YWHAQ: variants seen among roughly 807,000 people sequenced by gnomAD.
YWHAQ encodes the protein 14-3-3 protein theta.
Under a neutral mutation model 28.3 loss-of-function variants are expected in YWHAQ, and 6 were observed. The ratio of observed to expected loss-of-function variants is 0.21; its 90% CI spans 0.12 to 0.42. The LOEUF is 0.42. Among genes scored for constraint, YWHAQ ranks in the 10% least tolerant of loss-of-function variants. The pLI, the probability that YWHAQ is intolerant of heterozygous loss-of-function variation, is 1.00. For synonymous variants in YWHAQ, 143 were observed against 119.1 expected (o/e 1.20, Z -1.31); for missense variants, 201 against 305.6 (o/e 0.66, Z 2.55).
chr2:9,593,099 T>C (rs770762101), intron 2 of YWHAQ, among the ~76,000 whole-genome samples: 5 of 152,192 alleles, frequency 3.3e-5, no homozygotes, highest in Admixed American at 2.6e-4. Context: ...ACAAGTAAGG[T>C]TGAGTCAAAT....
chr2:9,622,377 G>A (rs1427701734), intron 2 of YWHAQ, among the ~76,000 whole-genome samples: 1 of 152,016 alleles, frequency 6.6e-6, no homozygotes, highest in Non-Finnish European at 1.5e-5. Context: ...GCATGTTTTT[G>A]AAATTCAATC....
intron 2 of YWHAQ, among the ~76,000 whole-genome samples, chr2:9,613,357 G>A (rs1309637317): frequency 6.6e-6 from 1 of 152,190 alleles, no homozygotes; most frequent in African/African-American, 2.4e-5. Context: ...CCAAATTAAT[G>A]TCATGAATTA....
intron 2 of YWHAQ, among the ~76,000 whole-genome samples, chr2:9,609,521 C>T (rs563584511): frequency 4.1e-4 from 63 of 151,820 alleles, no homozygotes; most frequent in Non-Finnish European, 5.0e-4. Flanking sequence ...GGATAATGGC[C>T]GAGACTTCCA....
At position 9,605,706 on chromosome 2, in the gene YWHAQ, G is replaced by A. The variant is rs553535265; in HGVS notation, c.295-14191C>T. ...CTCCCCAGTAGCTGGGACTACAGGT[G>A]TGCACCACCATGACCGGCTAATTTT... is the stretch of plus-strand genomic sequence containing the variant. On this transcript the variant is annotated intron_variant, in intron 2 of 5. Transcript: ENST00000238081. Among the ~76,000 whole-genome samples the A allele has an allele frequency of 1.4e-3, 213 of 151,748 alleles. 1 individual carries two copies. The highest frequency in any genetic ancestry group is 2.7e-3 in the Non-Finnish European group (182 of 67,910).
chr2:9,606,525 G>C (rs773868023), intron 2 of YWHAQ, among the ~76,000 whole-genome samples: 11 of 151,972 alleles, frequency 7.2e-5, no homozygotes, highest in Admixed American at 5.2e-4. Context: ...ACATCTGTCT[G>C]TGTGTGTGTG....
chr2:9,624,602 A>G (rs1015775959), intron 2 of YWHAQ, among the ~76,000 whole-genome samples: 1 of 152,118 alleles, frequency 6.6e-6, no homozygotes, highest in Non-Finnish European at 1.5e-5. Context: ...TCTACCCACT[A>G]GACGTGAGCA....
chr2:9,590,761 C>A (rs1346975571), intron 3 of YWHAQ, among the ~76,000 whole-genome samples: 2 of 151,978 alleles, frequency 1.3e-5, no homozygotes, highest in Admixed American at 1.3e-4. Flanking sequence ...ATTTTTATGA[C>A]CACTACTTGA....
chr2:9,595,631 G>A (rs898432874), intron 2 of YWHAQ, among the ~76,000 whole-genome samples: 2 of 150,674 alleles, frequency 1.3e-5, no homozygotes, highest in African/African-American at 4.9e-5. Context: ...TTGAACCCAG[G>A]AGGCAGAAGT....
chr2:9,601,376 T>C (rs997782263), intron 2 of YWHAQ, among the ~76,000 whole-genome samples: 22 of 152,076 alleles, frequency 1.4e-4, no homozygotes, highest in African/African-American at 5.1e-4. Context: ...GCAGAACTGC[T>C]TGAACCCAGG....
Position 9,585,010 on chromosome 2 carries a change from T to C in YWHAQ, c.*276A>G, listed in dbSNP as rs1666314665. 3 of 379,302 alleles carry C rather than the reference T, an allele frequency of 7.9e-6. No individual in the cohort carries two copies. The highest frequency in any genetic ancestry group is 1.4e-5 in the Non-Finnish European group (3 of 208,190). 23.5% of individuals were successfully genotyped at this position (379,302 alleles called of 1,614,324 possible). A position where few individuals can be genotyped will look rare whatever the true frequency, so the allele number is the denominator to read the frequency against. On this transcript the variant is annotated 3_prime_UTR_variant, in exon 6 of 6. Coordinates refer to ENST00000238081, the MANE Select transcript of YWHAQ (RefSeq NM_006826.4). ...TCAGATTACTTAAATACCAGATACA[T>C]TTTTAGTCCTCTACATAAGTGTTTG...
chr2:9,614,216 T>C (rs191040022), intron 2 of YWHAQ, among the ~76,000 whole-genome samples: 4 of 152,318 alleles, frequency 2.6e-5, no homozygotes, highest in African/African-American at 4.8e-5. Context: ...TGGTGACACA[T>C]ACTACATTCC....
At chr2:9,616,935 G>T (rs549974799) in intron 2 of YWHAQ, among the ~76,000 whole-genome samples, 19 of 152,290 alleles carry the variant, frequency 1.2e-4, no homozygotes, top group Admixed American at 7.8e-4. Flanking sequence ...ATGGACAAAA[G>T]ATTTTTAAAA....
intron 5 of YWHAQ, among the ~76,000 whole-genome samples, chr2:9,587,056 G>A (rs1572984536): frequency 6.6e-6 from 1 of 152,174 alleles, no homozygotes; most frequent in East Asian, 1.9e-4. Flanking sequence ...TACTTCCTGT[G>A]ATTTTAAGAA....
At chr2:9,611,103 A>C (rs1666938530) in intron 2 of YWHAQ, among the ~76,000 whole-genome samples, 3 of 152,214 alleles carry the variant, frequency 2.0e-5, no homozygotes, top group Admixed American at 2.0e-4. Flanking sequence ...CTGAAAGAAA[A>C]GATATTTTCT....
chr2:9,607,867 A>C (rs573721472), intron 2 of YWHAQ, among the ~76,000 whole-genome samples: 2 of 151,986 alleles, frequency 1.3e-5, no homozygotes, highest in East Asian at 3.9e-4. Flanking sequence ...ACCAGCTACC[A>C]CGCCTGGCTA....
chr2:9,609,331 G>A (rs1442502675), intron 2 of YWHAQ, among the ~76,000 whole-genome samples: 1 of 151,952 alleles, frequency 6.6e-6, no homozygotes, highest in Non-Finnish European at 1.5e-5. Flanking sequence ...ATTGGAGATG[G>A]ACAAAGAAAA....
At chr2:9,613,267 TAA>T (rs1249900415) in intron 2 of YWHAQ, among the ~76,000 whole-genome samples, 1 of 152,128 alleles carries the variant, frequency 6.6e-6, no homozygotes, top group East Asian at 1.9e-4. Flanking sequence ...TCACATCACA[TAA>T]AAAGTTTTCA....
intron 5 of YWHAQ, among the ~76,000 whole-genome samples, chr2:9,586,894 T>C (rs16867063): frequency 0.014 from 2,207 of 152,288 alleles, 54 homozygotes; most frequent in African/African-American, 0.051. Flanking sequence ...CCTTTATCAA[T>C]TGCCTATCTA....
intron 2 of YWHAQ, among the ~76,000 whole-genome samples, chr2:9,604,145 A>G (rs1666771432): frequency 6.6e-6 from 1 of 152,174 alleles, no homozygotes; most frequent in Non-Finnish European, 1.5e-5. Context: ...ACACTGAGAG[A>G]ACGGGTATAT....
Sources: gnomAD v4.1 joint callset for allele counts (sites outside exome capture counted in the v4.1 genomes callset) on GRCh38, gnomAD v4.1.1 for gene constraint, MANE v1.5 for transcripts, NCBI Gene and HGNC (gene_info 2026-07-23, HGNC 2026-07-21) for gene names.